SYNJ1: variants seen among roughly 807,000 people sequenced by gnomAD.
SYNJ1 encodes the protein polyphosphatidylinositol phosphatase SYNJ1.
Under a neutral mutation model 168.2 loss-of-function variants are expected in SYNJ1, and 78 were observed. That is an observed-to-expected ratio of 0.46 (90% CI 0.39 to 0.56). The LOEUF is 0.56. SYNJ1 is among the 20% of genes least tolerant of loss of function. The pLI, the probability that SYNJ1 is intolerant of heterozygous loss-of-function variation, is 0.00. For synonymous variants in SYNJ1, 539 were observed against 548.6 expected (o/e 0.98, Z 0.24); for missense variants, 1,303 against 1,597.6 (o/e 0.82, Z 3.14).
At chr21:32,634,333 C>T (rs1308367445) in intron 32 of SYNJ1, among the ~76,000 whole-genome samples, 1 of 152,100 alleles carries the variant, frequency 6.6e-6, no homozygotes, top group African/African-American at 2.4e-5. Context: ...AAAATTGGTG[C>T]TATTTTTACA....
chr21:32,639,542 C>T (rs1485375391), intron 30 of SYNJ1, 129 bp downstream of exon 30: 11 of 702,586 alleles, frequency 1.6e-5, no homozygotes, highest in Admixed American at 1.2e-4. Flanking sequence ...CAGGCATGTG[C>T]CATCACCCCT....
intron 7 of SYNJ1, among the ~76,000 whole-genome samples, chr21:32,687,370 G>A (rs541023560): frequency 6.6e-6 from 1 of 152,320 alleles, no homozygotes; most frequent in South Asian, 2.1e-4. Flanking sequence ...CCAGCCATAA[G>A]CTTGACTGGA....
chr21:32,678,901 T>G (rs2041517590), intron 11 of SYNJ1, 100 bp from the exon 12 acceptor site: 1 of 1,498,768 alleles, frequency 6.7e-7, no homozygotes, highest in Admixed American at 2.4e-5. Context: ...TTATATGATT[T>G]TAGTATAAAA....
chr21:32,714,336 T>G (rs577872950), intron 2 of SYNJ1, among the ~76,000 whole-genome samples: 1 of 152,120 alleles, frequency 6.6e-6, no homozygotes, highest in Non-Finnish European at 1.5e-5. Context: ...TGAAGAGTAT[T>G]AGGCAGGGGA....
chr21:32,693,175 G>A (rs1015620646), intron 6 of SYNJ1, among the ~76,000 whole-genome samples: 6 of 152,028 alleles, frequency 3.9e-5, no homozygotes, highest in African/African-American at 2.4e-5. Context: ...CATTCACCTC[G>A]CATCACATCA....
intron 6 of SYNJ1, among the ~76,000 whole-genome samples, chr21:32,689,525 G>C (rs187881249): frequency 1.3e-5 from 2 of 152,318 alleles, no homozygotes; most frequent in East Asian, 3.9e-4. Flanking sequence ...TCAATCTCTT[G>C]ACCTTGTGAT....
chr21:32,634,003 A>G (rs1433188817), intron 32 of SYNJ1, among the ~76,000 whole-genome samples: 2 of 152,202 alleles, frequency 1.3e-5, no homozygotes, highest in African/African-American at 4.8e-5. Context: ...TCTCTGGACT[A>G]TTTATAGTTA....
intron 10 of SYNJ1, 31 bp downstream of exon 10, chr21:32,684,007 A>G (rs1302705602): frequency 5.7e-6 from 9 of 1,588,956 alleles, no homozygotes; most frequent in Non-Finnish European, 6.9e-6. Context: ...CAGATGATAC[A>G]AGGCACATAC....
chr21:32,681,369 T>C (rs904127589), intron 11 of SYNJ1, 127 bp downstream of exon 11: 4 of 1,108,030 alleles, frequency 3.6e-6, no homozygotes, highest in Admixed American at 2.6e-5. Flanking sequence ...TAAAAGCACA[T>C]TAAACAGAAT....
At chr21:32,687,233 T>C (rs1471847967) in intron 7 of SYNJ1, among the ~76,000 whole-genome samples, 159 bp from the exon 8 acceptor site, 1 of 152,190 alleles carries the variant, frequency 6.6e-6, no homozygotes, top group Non-Finnish European at 1.5e-5. Flanking sequence ...CAAAGCCGAA[T>C]TTACGAAAAC....
Position 32,630,220 on chromosome 21 carries a change from T to A in SYNJ1, c.*1585A>T, listed in dbSNP as rs929503028. 6.6e-6 allele frequency: 1 copy of A among 152,184 alleles called. No homozygotes were observed. Among genetic ancestry groups the A allele is most frequent in the Non-Finnish European group, 1.5e-5 (1 of 68,032 alleles). 9.4% of individuals were successfully genotyped at this position (152,184 alleles called of 1,614,324 possible). On this transcript the variant is annotated 3_prime_UTR_variant, in exon 33 of 33. Coordinates refer to ENST00000674351, the MANE Select transcript of SYNJ1 (RefSeq NM_203446.3). ...GTTTCCAGCTGCAAGAACCTCCTCC[T>A]GGAGAAAAGCGTATGAAGGTGCTGG...
rs753541904 is a variant in SYNJ1 at position 32,646,470 on chromosome 21, G to A, written c.3170C>T (p.Ser1057Leu). Residue 1057 changes from serine (S) to leucine (L), a missense_variant, in exon 24 of 33, where the codon TCA becomes TTA. Coordinates refer to ENST00000674351, the MANE Select transcript of SYNJ1 (RefSeq NM_203446.3). ...GGGAAGGGAAGGTACAGGACCCTCT[G>A]ATATTGTAGGTGACTGGCAGGGACT... is the stretch of plus-strand genomic sequence containing the variant. The part of the protein sequence containing the change: ...RTSPCQSPTI[S>L]EGPVPSLPIR... The A allele has an allele frequency of 5.0e-6, 8 of 1,614,178 alleles. No homozygotes were observed. The highest frequency in any genetic ancestry group is 6.8e-6 in the Non-Finnish European group (8 of 1,180,036).
At chr21:32,718,986 AC>A (rs768305439) in intron 2 of SYNJ1, among the ~76,000 whole-genome samples, 11 of 152,320 alleles carry the variant, frequency 7.2e-5, no homozygotes, top group Middle Eastern at 6.8e-3. Context: ...TCACAACAGC[AC>A]AAACAATAAT....
rs538021872 is a variant in SYNJ1, at chr21:32,669,270, T to C, written c.1811+1018A>G. Among the ~76,000 whole-genome samples, 83 of 152,280 alleles carry C rather than the reference T, an allele frequency of 5.5e-4. 2 individuals carry two copies. The highest frequency in any genetic ancestry group is 3.4e-3 in the Middle Eastern group (1 of 294). On this transcript the variant is annotated intron_variant, in intron 15 of 32. Coordinates refer to ENST00000674351, the MANE Select transcript of SYNJ1 (RefSeq NM_203446.3). ...TTATTCAGATTTAGGTTATGTGGCA[T>C]TTTTTTCAACTAAGCCTGTCTCTTT...
chr21:32,634,223 GATC>G (rs1165383269), intron 32 of SYNJ1, among the ~76,000 whole-genome samples: 16 of 152,086 alleles, frequency 1.1e-4, no homozygotes, highest in African/African-American at 3.9e-4. Flanking sequence ...ATAGAATCAG[GATC>G]ATTTTTCCCA....
intron 25 of SYNJ1, among the ~76,000 whole-genome samples, 190 bp downstream of exon 25, chr21:32,645,456 G>T (rs1471777476): frequency 1.3e-5 from 2 of 152,178 alleles, no homozygotes; most frequent in Non-Finnish European, 2.9e-5. Flanking sequence ...CACCTTAGAG[G>T]AATCTACTCT....
rs112314623 is a variant in SYNJ1, at chr21:32,662,456, T to C, written c.2304+2457A>G. Among the ~76,000 whole-genome samples, 114 of 152,234 alleles carry C rather than the reference T, an allele frequency of 7.5e-4. 1 individual carries two copies. Among genetic ancestry groups the C allele is most frequent in the African/African-American group, 2.6e-3 (109 of 41,528 alleles). Reference sequence around the variant, plus strand: ...GACACTCAGTACGAGGTATGTAGCCTAGGAAACGACTGCCCAGATGTGTGT... The same window carrying C: ...GACACTCAGTACGAGGTATGTAGCCCAGGAAACGACTGCCCAGATGTGTGT... On this transcript the variant is annotated intron_variant, in intron 18 of 32. Transcript: ENST00000674351.
intron 6 of SYNJ1, among the ~76,000 whole-genome samples, chr21:32,693,773 A>G (rs2042110433): frequency 6.6e-6 from 1 of 152,202 alleles, no homozygotes; most frequent in African/African-American, 2.4e-5. Flanking sequence ...TATACAGATA[A>G]GGAAACTGAG....
intron 7 of SYNJ1, among the ~76,000 whole-genome samples, chr21:32,687,927 G>T (rs1005552867): frequency 6.6e-6 from 1 of 152,080 alleles, no homozygotes; most frequent in Non-Finnish European, 1.5e-5. Context: ...TACCGAACAT[G>T]ATTTTACTAA....
Sources: gnomAD v4.1 joint callset for allele counts (sites outside exome capture counted in the v4.1 genomes callset) on GRCh38, gnomAD v4.1.1 for gene constraint, MANE v1.5 for transcripts, NCBI Gene and HGNC (gene_info 2026-07-23, HGNC 2026-07-21) for gene names.